The following ZBTB20 variants were observed in gnomAD, a reference collection of about 807,000 sequenced individuals.
The protein encoded by ZBTB20 is zinc finger and BTB domain-containing protein 20.
Under a neutral mutation model 56.9 loss-of-function variants are expected in ZBTB20, and 9 were observed. The ratio of observed to expected loss-of-function variants is 0.16; its 90% CI spans 0.10 to 0.28. ZBTB20 has a LOEUF of 0.28. ZBTB20 is among the 10% of genes least tolerant of loss of function. ZBTB20 has a pLI of 1.00. For missense variants in ZBTB20, 655 were observed against 1,003.0 expected (o/e 0.65, Z 4.69); for synonymous variants, 417 against 420.7 (o/e 0.99, Z 0.11).
At chr3:115,081,442 G>C (rs1389463214) in intron 1 of ZBTB20, among the ~76,000 whole-genome samples, 1 of 152,060 alleles carries the variant, frequency 6.6e-6, no homozygotes, top group African/African-American at 2.4e-5. Flanking sequence ...GTACGATGCT[G>C]CTTACTTTTT....
chr3:114,943,744 A>T (rs2076797175), intron 3 of ZBTB20, among the ~76,000 whole-genome samples: 2 of 145,012 alleles, frequency 1.4e-5, no homozygotes, highest in African/African-American at 2.8e-5. Flanking sequence ...AAATGTTTTA[A>T]CATACAAATA....
intron 6 of ZBTB20, among the ~76,000 whole-genome samples, chr3:114,636,469 A>T (rs1168849685): frequency 6.6e-6 from 1 of 152,110 alleles, no homozygotes; most frequent in East Asian, 1.9e-4. Context: ...TATAAAAGTA[A>T]TGACATGATT....
chr3:115,004,286 C>T (rs2079377203), intron 2 of ZBTB20, among the ~76,000 whole-genome samples: 1 of 151,640 alleles, frequency 6.6e-6, no homozygotes, highest in African/African-American at 2.4e-5. Flanking sequence ...AGAAAGGTAC[C>T]TATAAAACCT....
At chr3:114,905,882 A>G (rs1465624028) in intron 3 of ZBTB20, among the ~76,000 whole-genome samples, 2 of 151,874 alleles carry the variant, frequency 1.3e-5, no homozygotes, top group Admixed American at 1.3e-4. Context: ...ACTGTTACAC[A>G]GAGTTCACTG....
intron 6 of ZBTB20, among the ~76,000 whole-genome samples, chr3:114,633,581 G>A (rs2059085538): frequency 6.6e-6 from 1 of 152,126 alleles, no homozygotes; most frequent in Non-Finnish European, 1.5e-5. Flanking sequence ...TGAAATGAGA[G>A]TTCCTGGATT....
chr3:114,777,216 G>A (rs1291192875), intron 5 of ZBTB20, among the ~76,000 whole-genome samples: 1 of 152,112 alleles, frequency 6.6e-6, no homozygotes, highest in African/African-American at 2.4e-5. Context: ...TTCTTAAATA[G>A]ATATATTAAA....
chr3:114,939,808 T>C (rs2076666791), intron 3 of ZBTB20, among the ~76,000 whole-genome samples: 1 of 145,954 alleles, frequency 6.9e-6, no homozygotes, highest in Non-Finnish European at 1.5e-5. Flanking sequence ...TTCAAGGCTG[T>C]AGTGAGTGAT....
chr3:115,141,641 GA>G, intron 1 of ZBTB20, among the ~76,000 whole-genome samples: 1 of 152,278 alleles, frequency 6.6e-6, no homozygotes, highest in African/African-American at 2.4e-5. Flanking sequence ...AAGGCCAAAA[GA>G]AAATGACAAT....
rs1176122390 is a variant in ZBTB20 at position 114,316,326 on chromosome 3, G to C, written c.*22679C>G. 7 of 398,014 alleles carry C rather than the reference G, an allele frequency of 1.8e-5. No individual in the cohort carries two copies. The highest frequency in any genetic ancestry group is 8.1e-4 in the Middle Eastern group (1 of 1,234). 24.7% of individuals were successfully genotyped at this position (398,014 alleles called of 1,614,324 possible). On this transcript the variant is annotated 3_prime_UTR_variant, in exon 12 of 12. Transcript: ENST00000675478. Reference sequence around the variant, plus strand: ...ACATACAGAAATGACCAAAGTCACTGCAAGTAGCTGTTTTTATTTTTTGTG... The same window carrying C: ...ACATACAGAAATGACCAAAGTCACTCCAAGTAGCTGTTTTTATTTTTTGTG...
intron 10 of ZBTB20, among the ~76,000 whole-genome samples, chr3:114,354,161 AG>A (rs1450272839): frequency 6.6e-6 from 1 of 152,146 alleles, no homozygotes; most frequent in African/African-American, 2.4e-5. Flanking sequence ...TTATTTTTTT[AG>A]ATGTCACAGT....
chr3:115,041,310 C>T (rs773917620), intron 2 of ZBTB20, among the ~76,000 whole-genome samples: 6 of 152,050 alleles, frequency 3.9e-5, no homozygotes, highest in East Asian at 1.9e-4. Flanking sequence ...TTACAAGGAA[C>T]GAAACTGAGG....
chr3:114,725,103 A>G (rs1427232457), intron 5 of ZBTB20, among the ~76,000 whole-genome samples: 1 of 152,190 alleles, frequency 6.6e-6, no homozygotes, highest in Non-Finnish European at 1.5e-5. Flanking sequence ...TTAGCCAAGC[A>G]TTTATCCCCC....
At chr3:114,865,739 G>A (rs1008130128) in intron 4 of ZBTB20, among the ~76,000 whole-genome samples, 1 of 152,080 alleles carries the variant, frequency 6.6e-6, no homozygotes, top group South Asian at 2.1e-4. Flanking sequence ...ATAACAACCA[G>A]TATAATTTGA....
At chr3:114,426,215 T>C (rs995808598) in intron 7 of ZBTB20, among the ~76,000 whole-genome samples, 2 of 151,850 alleles carry the variant, frequency 1.3e-5, no homozygotes, top group African/African-American at 4.8e-5. Flanking sequence ...GGCGGGCGCC[T>C]GTAGTCCCAG....
Position 114,715,698 on chromosome 3 carries a change from G to T in ZBTB20, c.-342-22123C>A, listed in dbSNP as rs184785544. Among the ~76,000 whole-genome samples the T allele has an allele frequency of 2.0e-3, 300 of 152,266 alleles. 1 individual carries two copies. Among genetic ancestry groups the T allele is most frequent in the African/African-American group, 6.8e-3 (282 of 41,564 alleles). ...TCTTGCTTCACTCAGCACATAACTT[G>T]TCCCTTCCAGAATGCTGAATGAAGA... On this transcript the variant is annotated intron_variant, in intron 5 of 11. Transcript: ENST00000675478.
At chr3:114,904,941 G>A (rs1560382959) in intron 3 of ZBTB20, among the ~76,000 whole-genome samples, 1 of 151,790 alleles carries the variant, frequency 6.6e-6, no homozygotes, top group South Asian at 2.1e-4. Context: ...TAAAATCCAC[G>A]AAAAACTAAA....
At chr3:114,351,977 C>T (rs2080714933) in intron 10 of ZBTB20, 99 bp from the exon 11 acceptor site, 1 of 1,436,936 alleles carries the variant, frequency 7.0e-7, no homozygotes, top group Non-Finnish European at 9.4e-7. Context: ...CTCATGGCTC[C>T]TAGAAGCACT....
chr3:114,352,329 G>C (rs2080761404), intron 10 of ZBTB20, among the ~76,000 whole-genome samples: 1 of 152,212 alleles, frequency 6.6e-6, no homozygotes, highest in Non-Finnish European at 1.5e-5. Flanking sequence ...CTTTGGGAAA[G>C]TTTACATTTC....
chr3:115,081,589 C>T (rs2108541961), intron 1 of ZBTB20, among the ~76,000 whole-genome samples: 1 of 152,144 alleles, frequency 6.6e-6, no homozygotes. Context: ...AATAATAATG[C>T]AAATGTATGT....
Sources: gnomAD v4.1 joint callset for allele counts (sites outside exome capture counted in the v4.1 genomes callset) on GRCh38, gnomAD v4.1.1 for gene constraint, MANE v1.5 for transcripts, NCBI Gene and HGNC (gene_info 2026-07-23, HGNC 2026-07-21) for gene names.